Variants in TES observed in about 807,000 individuals in gnomAD.
TES encodes the protein testin.
A neutral mutation model predicts 48.2 loss-of-function variants in TES; 41 were observed. The observed-to-expected ratio is 0.85, with a 90% confidence interval of 0.66 to 1.10. The LOEUF is 1.10. Ranked by LOEUF, TES falls within the 50% of genes least tolerant of loss-of-function variation. The pLI is 0.00. For synonymous variants in TES, 162 were observed against 174.9 expected (o/e 0.93, Z 0.58); for missense variants, 463 against 515.1 (o/e 0.90, Z 0.98).
At chr7:116,252,117 T>C (rs1406152395) in intron 5 of TES, 142 bp downstream of exon 5, 2 of 1,010,418 alleles carry the variant, frequency 2.0e-6, no homozygotes, top group Non-Finnish European at 1.4e-6. Flanking sequence ...ACTTCTGATA[T>C]CATTCATTCT....
At chr7:116,249,344 G>A in intron 3 of TES, 72 bp downstream of exon 3, 1 of 1,564,556 alleles carries the variant, frequency 6.4e-7, no homozygotes, top group Non-Finnish European at 8.7e-7. Context: ...TTTCTTTGAT[G>A]ACCTAATCAA....
At chr7:116,234,405 G>A in intron 1 of TES, 129 bp from the exon 2 acceptor site, 1 of 733,470 alleles carries the variant, frequency 1.4e-6, no homozygotes. Context: ...TATCATCATT[G>A]ACTAAATATA....
chr7:116,254,528 G>A (rs959611009), intron 6 of TES, among the ~76,000 whole-genome samples: 1 of 152,098 alleles, frequency 6.6e-6, no homozygotes, highest in African/African-American at 2.4e-5. Flanking sequence ...GAGGTCAGGA[G>A]TTCGAGACCA....
chr7:116,257,164 C>A (rs1024074548), intron 6 of TES, 130 bp from the exon 7 acceptor site: 12 of 995,262 alleles, frequency 1.2e-5, no homozygotes, highest in East Asian at 2.8e-5. Context: ...GAAGGCCACC[C>A]TCCATTGTGT....
At chr7:116,211,762 T>G (rs1453673086) in intron 1 of TES, among the ~76,000 whole-genome samples, 4 of 152,140 alleles carry the variant, frequency 2.6e-5, no homozygotes. Context: ...AACACAAAGT[T>G]TTTGACTTGA....
Position 116,252,398 on chromosome 7 carries a change from C to T in TES, c.999C>T (p.Ser333=), listed in dbSNP as rs1800029164. The T allele has an allele frequency of 2.5e-6, 4 of 1,614,194 alleles. No homozygotes were observed. Among genetic ancestry groups the T allele is most frequent in the South Asian group, 2.2e-5 (2 of 91,088 alleles). Residue 333 remains serine, a synonymous_variant, in exon 6 of 7, where the codon AGC becomes AGT. Coordinates refer to ENST00000358204, the MANE Select transcript of TES (RefSeq NM_015641.4). ...LKHFCCFDCD[S]ILAGEIYVMV... ...ACTTCTGCTGCTTTGACTGTGATAG[C>T]ATTCTAGCTGGGGAGATATACGTGA...
At chr7:116,216,982 G>A (rs1026192224) in intron 1 of TES, among the ~76,000 whole-genome samples, 12 of 151,808 alleles carry the variant, frequency 7.9e-5, no homozygotes, top group East Asian at 3.9e-4. Flanking sequence ...GCTTTTTTAC[G>A]TACCATGCAC....
chr7:116,213,578 T>C (rs1376811966), intron 1 of TES, among the ~76,000 whole-genome samples: 2 of 152,250 alleles, frequency 1.3e-5, no homozygotes, highest in East Asian at 3.8e-4. Flanking sequence ...CCACATCAGT[T>C]GTACAAATTG....
intron 2 of TES, among the ~76,000 whole-genome samples, chr7:116,245,887 AAGG>A (rs1235505887): frequency 6.6e-6 from 1 of 152,186 alleles, no homozygotes; most frequent in Non-Finnish European, 1.5e-5. Context: ...TTGTGGCAGC[AAGG>A]AGAAGTGCCG....
At chr7:116,220,811 C>T (rs1430042017) in intron 1 of TES, among the ~76,000 whole-genome samples, 4 of 152,222 alleles carry the variant, frequency 2.6e-5, no homozygotes, top group East Asian at 1.9e-4. Context: ...CCTTAGTATC[C>T]TCATCTGAAA....
At chr7:116,236,372 A>G (rs1273919578) in intron 2 of TES, among the ~76,000 whole-genome samples, 2 of 152,220 alleles carry the variant, frequency 1.3e-5, no homozygotes, top group African/African-American at 4.8e-5. Context: ...TCAAAAATGC[A>G]TTCAAACCTT....
chr7:116,222,451 T>A (rs1019986232), intron 1 of TES, among the ~76,000 whole-genome samples: 1 of 152,176 alleles, frequency 6.6e-6, no homozygotes, highest in Non-Finnish European at 1.5e-5. Flanking sequence ...TGTACTGCCG[T>A]CTTTTTCTGC....
At position 116,257,606 on chromosome 7, in the gene TES, G is replaced by T; in HGVS notation, c.*124G>T. 8 of 1,008,062 alleles carry T rather than the reference G, an allele frequency of 7.9e-6. No individual in the cohort carries two copies. Among genetic ancestry groups the T allele is most frequent in the East Asian group, 6.4e-5 (2 of 31,202 alleles). The allele number at this position is 1,008,062 out of a possible 1,614,324, so 62.4% of individuals were successfully genotyped here. ...ACTGTAAAGGAAACCAAGAGATTTTGTTTAATTTTTTTGGCCATTTTTTCT... is the reference window on the plus strand; with the variant it reads ...ACTGTAAAGGAAACCAAGAGATTTTTTTTAATTTTTTTGGCCATTTTTTCT... On this transcript the variant is annotated 3_prime_UTR_variant, in exon 7 of 7. Transcript: ENST00000358204.
intron 2 of TES, among the ~76,000 whole-genome samples, chr7:116,238,682 A>G (rs1374334271): frequency 6.6e-6 from 1 of 151,496 alleles, no homozygotes; most frequent in African/African-American, 2.4e-5. Context: ...GCTCACTGCA[A>G]CCTCTGCCTC....
intron 6 of TES, among the ~76,000 whole-genome samples, chr7:116,253,162 G>T (rs1460220523): frequency 6.6e-6 from 1 of 152,104 alleles, no homozygotes; most frequent in East Asian, 1.9e-4. Context: ...TTTATATGCA[G>T]CAAAACACAT....
At chr7:116,236,482 G>C (rs1799773367) in intron 2 of TES, among the ~76,000 whole-genome samples, 1 of 151,906 alleles carries the variant, frequency 6.6e-6, no homozygotes. Flanking sequence ...GTTTAAACTT[G>C]GGCCCTATCC....
chr7:116,233,901 G>A (rs527564978), intron 1 of TES, among the ~76,000 whole-genome samples: 20 of 152,142 alleles, frequency 1.3e-4, no homozygotes, highest in African/African-American at 4.8e-4. Context: ...TCCCTCAGGG[G>A]CTAATCCCAT....
In TES at chr7:116,234,512, CATG is replaced by C. The variant is rs1227393302; in HGVS notation, c.28-18_28-16del. The C allele has an allele frequency of 6.3e-7, 1 of 1,595,702 alleles. No homozygotes were observed. Among genetic ancestry groups the C allele is most frequent in the East Asian group, 2.2e-5 (1 of 44,738 alleles). Reference sequence around the variant, plus strand: ...TTTGTAAAGAATCTAATAACAGATTCATGATGTTTTCTTTTTAACAGATGGGCT... The same window carrying C: ...TTTGTAAAGAATCTAATAACAGATTCATGTTTTCTTTTTAACAGATGGGCT... On this transcript the variant is annotated intron_variant, in intron 1 of 6. Coordinates refer to ENST00000358204, the MANE Select transcript of TES (RefSeq NM_015641.4).
intron 1 of TES, among the ~76,000 whole-genome samples, chr7:116,224,214 G>C (rs1799592946): frequency 6.6e-6 from 1 of 152,168 alleles, no homozygotes. Context: ...AAACTTGTAA[G>C]AGACCGTAAA....
Sources: gnomAD v4.1 joint callset for allele counts (sites outside exome capture counted in the v4.1 genomes callset) on GRCh38, gnomAD v4.1.1 for gene constraint, MANE v1.5 for transcripts, NCBI Gene and HGNC (gene_info 2026-07-23, HGNC 2026-07-21) for gene names.